Variants in TENM3 observed in about 807,000 individuals in gnomAD.
TENM3 encodes the protein teneurin-3.
Under a neutral mutation model 255.1 loss-of-function variants are expected in TENM3, and 63 were observed. That is an observed-to-expected ratio of 0.25 (90% CI 0.20 to 0.30). TENM3 has a LOEUF of 0.30. Ranked by LOEUF, TENM3 falls within the 10% of genes least tolerant of loss-of-function variation. TENM3 has a pLI of 1.00. For missense variants in TENM3, 2,929 were observed against 3,461.1 expected, an observed-to-expected ratio of 0.85 and a Z score of 3.86; for synonymous variants, 1,306 against 1,322.3, an observed-to-expected ratio of 0.99 and a Z score of 0.27.
chr4:182,709,744 A>G (rs1579191828), intron 12 of TENM3, among the ~76,000 whole-genome samples: 1 of 152,022 alleles, frequency 6.6e-6, no homozygotes, highest in African/African-American at 2.4e-5. Context: ...TTTTGCTCTT[A>G]GTTTTAAGCT....
intron 3 of TENM3, among the ~76,000 whole-genome samples, chr4:182,358,131 G>T (rs1363304311): frequency 6.6e-6 from 1 of 151,830 alleles, no homozygotes; most frequent in African/African-American, 2.4e-5. Context: ...GCTTGTAGTA[G>T]AGTTTGAAGT....
chr4:182,051,809 C>T, the TENM3 span, among the ~76,000 whole-genome samples: 1 of 152,106 alleles, frequency 6.6e-6, no homozygotes, highest in South Asian at 2.1e-4. Context: ...TTGAAGATTT[C>T]AGAAGTTTTA....
chr4:182,368,125 A>ATC (rs1356469268), intron 3 of TENM3, among the ~76,000 whole-genome samples: 2 of 152,150 alleles, frequency 1.3e-5, no homozygotes, highest in Non-Finnish European at 2.9e-5. Context: ...TCTCAAAACA[A>ATC]TCACAACATA....
chr4:181,827,065 C>T, the TENM3 span, among the ~76,000 whole-genome samples: 4 of 152,038 alleles, frequency 2.6e-5, no homozygotes, highest in Admixed American at 2.6e-4. Flanking sequence ...AAGCAGGAGT[C>T]GCAATAATTC....
the TENM3 span, among the ~76,000 whole-genome samples, chr4:182,112,783 T>C: frequency 6.6e-6 from 1 of 152,240 alleles, no homozygotes. Flanking sequence ...CACTGAGTGA[T>C]GTTTTTAGGA....
chr4:182,777,509 T>TTGTGTGTGTGTG (rs1172500944), intron 24 of TENM3, among the ~76,000 whole-genome samples: 23 of 120,142 alleles, frequency 1.9e-4, no homozygotes, highest in African/African-American at 5.7e-4. Flanking sequence ...CATAATGTGT[T>TTGTGTGTGTGTG]TATGTGTGTG....
chr4:182,256,906 T>C (rs1326372604), intron 1 of TENM3, among the ~76,000 whole-genome samples: 1 of 151,464 alleles, frequency 6.6e-6, no homozygotes, highest in Non-Finnish European at 1.5e-5. Flanking sequence ...GCTTTAAAAA[T>C]AATTATTAAA....
Position 182,276,626 on chromosome 4 carries a change from T to C in TENM3, c.-76+33150T>C, listed in dbSNP as rs1284927305. ...TAATCTTGGCCATATTTTTAAGCACTGCTGTCCAATTATTTTAAATAATGT... is the reference window on the plus strand; with the variant it reads ...TAATCTTGGCCATATTTTTAAGCACCGCTGTCCAATTATTTTAAATAATGT... On this transcript the variant is annotated intron_variant, in intron 1 of 27. Transcript: ENST00000511685. Among the ~76,000 whole-genome samples, 3 of 152,388 alleles carry C rather than the reference T, an allele frequency of 2.0e-5. No homozygotes were observed. In the East Asian group the frequency reaches 5.8e-4, roughly 29 times the overall value.
At chr4:182,153,201 A>G (rs1750465608) in intron 1 of TENM3, among the ~76,000 whole-genome samples, 1 of 152,052 alleles carries the variant, frequency 6.6e-6, no homozygotes, top group Admixed American at 6.6e-5. Context: ...AGATGATCCG[A>G]TAATTCTGGT....
the TENM3 span, among the ~76,000 whole-genome samples, chr4:181,942,948 T>G: frequency 6.6e-6 from 1 of 152,230 alleles, no homozygotes; most frequent in East Asian, 1.9e-4. Context: ...AATAGGTTAA[T>G]AATATTGACA....
At chr4:182,624,006 T>C (rs570251610) in intron 4 of TENM3, among the ~76,000 whole-genome samples, 1 of 152,248 alleles carries the variant, frequency 6.6e-6, no homozygotes, top group South Asian at 2.1e-4. Context: ...GATCCTGTTA[T>C]CACCTCCGTT....
At chr4:181,470,931 A>G in the TENM3 span, among the ~76,000 whole-genome samples, 1 of 152,098 alleles carries the variant, frequency 6.6e-6, no homozygotes, top group Non-Finnish European at 1.5e-5. Context: ...TTACTACCTT[A>G]CCTTTTGACA....
the TENM3 span, among the ~76,000 whole-genome samples, chr4:181,605,556 A>AGAG: frequency 3.9e-4 from 12 of 30,526 alleles, 2 homozygotes; most frequent in South Asian, 6.7e-3. Flanking sequence ...GAAAGAAAGA[A>AGAG]AGAAAGAAAG....
At chr4:182,681,783 T>A in intron 10 of TENM3, 31 bp from the exon 11 acceptor site, 2 of 1,532,268 alleles carry the variant, frequency 1.3e-6, no homozygotes, top group Non-Finnish European at 1.8e-6. Context: ...ATCTTCTGGA[T>A]TTAATAAAAT....
the TENM3 span, among the ~76,000 whole-genome samples, chr4:182,104,122 T>A: frequency 1.3e-5 from 2 of 152,114 alleles, no homozygotes; most frequent in Non-Finnish European, 2.9e-5. Flanking sequence ...ACTCACACCA[T>A]GACCAATTTC....
chr4:181,657,614 A>T, the TENM3 span, among the ~76,000 whole-genome samples: 1 of 152,210 alleles, frequency 6.6e-6, no homozygotes, highest in African/African-American at 2.4e-5. Context: ...CAGAGCTACC[A>T]CTTGACCCAG....
the TENM3 span, among the ~76,000 whole-genome samples, chr4:181,959,457 C>T: frequency 6.6e-6 from 1 of 151,996 alleles, no homozygotes; most frequent in East Asian, 1.9e-4. Context: ...GGAAAAGGAG[C>T]AAATGAAGAA....
At chr4:182,031,813 A>G in the TENM3 span, among the ~76,000 whole-genome samples, 1 of 152,084 alleles carries the variant, frequency 6.6e-6, no homozygotes, top group East Asian at 1.9e-4. Context: ...TCTTTGTAGC[A>G]ATTGTGCATA....
At chr4:181,935,949 C>T in the TENM3 span, among the ~76,000 whole-genome samples, 1 of 152,128 alleles carries the variant, frequency 6.6e-6, no homozygotes, top group South Asian at 2.1e-4. Context: ...TCCTATTTAC[C>T]TCATAGCATA....
Sources: gnomAD v4.1 joint callset for allele counts (sites outside exome capture counted in the v4.1 genomes callset) on GRCh38, gnomAD v4.1.1 for gene constraint, MANE v1.5 for transcripts, NCBI Gene and HGNC (gene_info 2026-07-23, HGNC 2026-07-21) for gene names.